The following DLG2 variants were observed in gnomAD, a reference collection of about 807,000 sequenced individuals.
The protein encoded by DLG2 is discs large MAGUK scaffold protein 2, also known as disks large homolog 2.
DLG2 carries 45 observed loss-of-function variants against 132.5 expected under a neutral mutation model. That is an observed-to-expected ratio of 0.34 (90% CI 0.27 to 0.44). The LOEUF is 0.44. Among genes scored for constraint, DLG2 ranks in the 20% least tolerant of loss-of-function variants. DLG2 has a pLI of 1.00. For synonymous variants in DLG2, 424 were observed against 419.6 expected (o/e 1.01, Z -0.13); for missense variants, 1,045 against 1,196.9 (o/e 0.87, Z 1.87).
In DLG2 at chr11:84,761,736, T is replaced by G. The variant is rs1183107809; in HGVS notation, c.358-227005A>C. ...CTACAGACTGAAGGCTGCTATTGGC[T>G]TCCCTACTTTTGAGGTTTTGGGACA... On this transcript the variant is annotated intron_variant, in intron 6 of 27. Coordinates refer to ENST00000376104, the MANE Select transcript of DLG2 (RefSeq NM_001142699.3). 3.3e-5 allele frequency among the ~76,000 whole-genome samples: 5 copies of G among 152,284 alleles called. No individual in the cohort carries two copies. In the South Asian group the frequency reaches 1.0e-3, roughly 32 times the overall value.
At chr11:84,030,631 G>T (rs2154090601) in intron 11 of DLG2, among the ~76,000 whole-genome samples, 1 of 152,240 alleles carries the variant, frequency 6.6e-6, no homozygotes, top group East Asian at 1.9e-4. Context: ...TAGAGAAAGG[G>T]GTTCAATGGG....
chr11:85,028,157 C>A (rs1027084907), intron 6 of DLG2, among the ~76,000 whole-genome samples: 3 of 152,140 alleles, frequency 2.0e-5, no homozygotes, highest in Non-Finnish European at 2.9e-5. Context: ...TTTCTGCAGG[C>A]AGGTTGTCCT....
At position 83,720,499 on chromosome 11, in the gene DLG2, G is replaced by A. The variant is rs2088202080; in HGVS notation, c.1825+66191C>T. ...TACAACCTACAGATGGAAGAATGAG[G>A]TTCTAAAAGCTTCATAGGCTTAGTA... is the stretch of plus-strand genomic sequence containing the variant. On this transcript the variant is annotated intron_variant, in intron 18 of 27. Coordinates refer to ENST00000376104, the MANE Select transcript of DLG2 (RefSeq NM_001142699.3). Among the ~76,000 whole-genome samples the A allele has an allele frequency of 2.6e-5, 4 of 151,668 alleles. No homozygotes were observed. The South Asian group carries it at 8.3e-4, about 32-fold the overall frequency.
chr11:85,591,855 C>T (rs752458139), intron 3 of DLG2, among the ~76,000 whole-genome samples: 1 of 152,176 alleles, frequency 6.6e-6, no homozygotes, highest in East Asian at 1.9e-4. Flanking sequence ...TTGTTTAATG[C>T]TTGTCTCCCC....
chr11:85,199,590 T>C (rs184623979), intron 4 of DLG2, among the ~76,000 whole-genome samples: 7 of 152,364 alleles, frequency 4.6e-5, no homozygotes, highest in Non-Finnish European at 1.0e-4. Flanking sequence ...ATTCTTCCTC[T>C]ATTATAATAG....
intron 6 of DLG2, among the ~76,000 whole-genome samples, chr11:84,789,325 G>C (rs2073437555): frequency 6.6e-6 from 1 of 152,074 alleles, no homozygotes; most frequent in Admixed American, 6.6e-5. Flanking sequence ...CCTTCCTTAA[G>C]ACTCACTTAC....
chr11:83,554,862 T>G (rs554363797), intron 19 of DLG2, among the ~76,000 whole-genome samples: 1 of 152,360 alleles, frequency 6.6e-6, no homozygotes, highest in Admixed American at 6.5e-5. Flanking sequence ...AATCATGGCT[T>G]CAGTCATATT....
intron 18 of DLG2, among the ~76,000 whole-genome samples, chr11:83,693,461 A>G (rs898659627): frequency 1.3e-5 from 2 of 152,130 alleles, no homozygotes; most frequent in African/African-American, 4.8e-5. Context: ...GCATAGCAGT[A>G]GGGTGTGGGA....
intron 4 of DLG2, among the ~76,000 whole-genome samples, chr11:85,176,905 G>C (rs1183740636): frequency 6.6e-6 from 1 of 152,082 alleles, no homozygotes; most frequent in Non-Finnish European, 1.5e-5. Flanking sequence ...AAACCACAAT[G>C]ATATACCATT....
chr11:83,618,368 T>C (rs1310346167), intron 19 of DLG2, among the ~76,000 whole-genome samples: 2 of 152,216 alleles, frequency 1.3e-5, no homozygotes, highest in Non-Finnish European at 2.9e-5. Flanking sequence ...TTTCCTTTCT[T>C]ACAATGACCT....
intron 17 of DLG2, among the ~76,000 whole-genome samples, chr11:83,812,713 T>C (rs1463852476): frequency 6.6e-6 from 1 of 152,170 alleles, no homozygotes; most frequent in Non-Finnish European, 1.5e-5. Flanking sequence ...AACTCCTTCA[T>C]CTGATTTCTT....
chr11:85,431,027 G>A (rs1366328507), intron 3 of DLG2, among the ~76,000 whole-genome samples: 2 of 151,858 alleles, frequency 1.3e-5, no homozygotes, highest in African/African-American at 2.4e-5. Context: ...TCAAATAATT[G>A]GCTTAATTTT....
chr11:84,251,536 T>C lies in DLG2; in HGVS notation c.520-245A>G, dbSNP rs535704851. Among the ~76,000 whole-genome samples, 53 of 152,296 alleles carry C rather than the reference T, an allele frequency of 3.5e-4. No homozygotes were observed. The South Asian group carries it at 3.5e-3, about 10-fold the overall frequency. ...GCATTCATATAATTTACATTCATTT[T>C]CTCTTACATTCTACAAAACAATGCA... On this transcript the variant is annotated intron_variant, in intron 7 of 27. Coordinates refer to ENST00000376104, the MANE Select transcript of DLG2 (RefSeq NM_001142699.3).
At chr11:84,877,233 A>T (rs953927202) in intron 6 of DLG2, among the ~76,000 whole-genome samples, 3 of 151,938 alleles carry the variant, frequency 2.0e-5, no homozygotes, top group Non-Finnish European at 4.4e-5. Flanking sequence ...CAAGTCCTGA[A>T]TATTCTTGTT....
At chr11:83,976,692 T>C (rs990866326) in intron 12 of DLG2, among the ~76,000 whole-genome samples, 1 of 151,976 alleles carries the variant, frequency 6.6e-6, no homozygotes, top group African/African-American at 2.4e-5. Context: ...GAAGTACTAA[T>C]TCTGTCTTCC....
chr11:84,317,121 G>T (rs2098367694), intron 7 of DLG2: 1 of 1,612,474 alleles, frequency 6.2e-7, no homozygotes, highest in Admixed American at 1.7e-5. Flanking sequence ...CTGCAGCTGT[G>T]TTGCTTGGTG....
chr11:84,647,920 C>G (rs2099676897), intron 6 of DLG2, among the ~76,000 whole-genome samples: 1 of 152,178 alleles, frequency 6.6e-6, no homozygotes, highest in Non-Finnish European at 1.5e-5. Flanking sequence ...TTACTGGGCA[C>G]TTACCATGTG....
intron 4 of DLG2, among the ~76,000 whole-genome samples, chr11:85,200,047 A>C (rs2081343720): frequency 6.6e-6 from 1 of 151,850 alleles, no homozygotes; most frequent in Non-Finnish European, 1.5e-5. Flanking sequence ...AGAATTCTGT[A>C]CTCACCCACA....
At chr11:84,101,181 G>C (rs760826174) in intron 9 of DLG2, among the ~76,000 whole-genome samples, 1 of 152,132 alleles carries the variant, frequency 6.6e-6, no homozygotes, top group Non-Finnish European at 1.5e-5. Context: ...GCAGAGTGTA[G>C]GAGTGGGTAG....
Sources: gnomAD v4.1 joint callset for allele counts (sites outside exome capture counted in the v4.1 genomes callset) on GRCh38, gnomAD v4.1.1 for gene constraint, MANE v1.5 for transcripts, NCBI Gene and HGNC (gene_info 2026-07-23, HGNC 2026-07-21) for gene names.